The following STXBP5L variants were observed in gnomAD, a reference collection of about 807,000 sequenced individuals.
STXBP5L encodes syntaxin-binding protein 5-like.
STXBP5L carries 65 observed loss-of-function variants against 144.5 expected under a neutral mutation model. That is an observed-to-expected ratio of 0.45 (90% CI 0.37 to 0.55). The LOEUF (loss-of-function observed/expected upper bound fraction) is 0.55. Ranked by LOEUF, STXBP5L falls within the 20% of genes least tolerant of loss-of-function variation. The pLI is 0.00. For synonymous variants in STXBP5L, 505 were observed against 469.6 expected (o/e 1.08, Z -0.97); for missense variants, 1,298 against 1,405.5 (o/e 0.92, Z 1.22).
intron 3 of STXBP5L, among the ~76,000 whole-genome samples, chr3:120,971,346 G>A (rs1423541726): frequency 6.6e-6 from 1 of 151,754 alleles, no homozygotes; most frequent in Non-Finnish European, 1.5e-5. Flanking sequence ...ATTGTACTCA[G>A]TAGGTACTAT....
At position 121,116,056 on chromosome 3, in the gene STXBP5L, T is replaced by G. The variant is rs148770877; in HGVS notation, c.605+997T>G. On this transcript the variant is annotated intron_variant, in intron 6 of 26. Transcript: ENST00000471454. ...TAGGGATTACAATTCAACATGAGCT[T>G]TGGGCAGGGACAAATATCCAAACTA... Among the ~76,000 whole-genome samples the G allele has an allele frequency of 4.2e-3, 643 of 152,222 alleles. 4 individuals are homozygous for G. The highest frequency in any genetic ancestry group is 0.015 in the African/African-American group (613 of 41,554).
intron 5 of STXBP5L, among the ~76,000 whole-genome samples, chr3:121,050,356 G>A (rs982015055): frequency 2.0e-5 from 3 of 152,014 alleles, no homozygotes; most frequent in Non-Finnish European, 4.4e-5. Flanking sequence ...AAGTAATGTA[G>A]CAGAAATTTC....
chr3:120,984,582 ATTAC>A (rs1392937593), intron 3 of STXBP5L, among the ~76,000 whole-genome samples: 1 of 136,180 alleles, frequency 7.3e-6, no homozygotes, highest in African/African-American at 2.8e-5. Context: ...GCAAACAGAG[ATTAC>A]TTACTTCGTT....
chr3:121,041,498 T>G (rs541089225), intron 3 of STXBP5L, among the ~76,000 whole-genome samples: 1 of 152,272 alleles, frequency 6.6e-6, no homozygotes, highest in African/African-American at 2.4e-5. Context: ...CTTATTGTCA[T>G]TCTTTTTTTC....
At chr3:120,981,417 G>T (rs1031360471) in intron 3 of STXBP5L, among the ~76,000 whole-genome samples, 1 of 151,936 alleles carries the variant, frequency 6.6e-6, no homozygotes, top group African/African-American at 2.4e-5. Flanking sequence ...GTCTAACTGG[G>T]TTAATTAAAA....
chr3:121,169,608 A>G (rs767136026), intron 9 of STXBP5L, among the ~76,000 whole-genome samples: 2 of 152,252 alleles, frequency 1.3e-5, no homozygotes, highest in Non-Finnish European at 2.9e-5. Flanking sequence ...GAAGGGCATT[A>G]CATAATGGTA....
chr3:121,403,901 C>A (rs2046939776), intron 22 of STXBP5L, among the ~76,000 whole-genome samples: 2 of 152,172 alleles, frequency 1.3e-5, no homozygotes, highest in Admixed American at 1.3e-4. Flanking sequence ...TGTTCCTCCT[C>A]CATTTCAGTG....
At chr3:121,044,036 G>A (rs1947338828) in intron 4 of STXBP5L, among the ~76,000 whole-genome samples, 1 of 152,034 alleles carries the variant, frequency 6.6e-6, no homozygotes, top group African/African-American at 2.4e-5. Context: ...CATAAGTACA[G>A]TATACAAATA....
At chr3:121,064,287 C>T (rs2041434029) in intron 5 of STXBP5L, among the ~76,000 whole-genome samples, 1 of 152,200 alleles carries the variant, frequency 6.6e-6, no homozygotes, top group Non-Finnish European at 1.5e-5. Context: ...TCTGCTCCTC[C>T]TCGATGGTCT....
At chr3:121,230,275 A>T (rs1441304777) in intron 11 of STXBP5L, among the ~76,000 whole-genome samples, 1 of 152,196 alleles carries the variant, frequency 6.6e-6, no homozygotes, top group Admixed American at 6.5e-5. Flanking sequence ...GGACACAGGC[A>T]TTCCCATCAA....
At chr3:121,070,774 C>G (rs547153687) in intron 5 of STXBP5L, among the ~76,000 whole-genome samples, 15 of 152,230 alleles carry the variant, frequency 9.9e-5, no homozygotes, top group African/African-American at 3.6e-4. Context: ...TGCAGCTTGG[C>G]AGGCATCAAA....
At chr3:121,179,396 A>G (rs1303772431) in intron 9 of STXBP5L, among the ~76,000 whole-genome samples, 1 of 152,038 alleles carries the variant, frequency 6.6e-6, no homozygotes, top group Non-Finnish European at 1.5e-5. Flanking sequence ...CATAAGAGGG[A>G]AAAAAAGTAA....
chr3:121,085,868 C>A (rs566378878), intron 5 of STXBP5L, among the ~76,000 whole-genome samples: 11 of 152,244 alleles, frequency 7.2e-5, no homozygotes, highest in African/African-American at 2.2e-4. Context: ...ATAGCCAAGA[C>A]AATCCTAAGC....
intron 3 of STXBP5L, among the ~76,000 whole-genome samples, chr3:121,007,082 T>G (rs1015594817): frequency 2.0e-5 from 3 of 152,172 alleles, no homozygotes; most frequent in African/African-American, 7.2e-5. Flanking sequence ...ATTTCCTGAA[T>G]TTGAATATTG....
chr3:121,237,790 T>C (rs2049530388), intron 12 of STXBP5L, among the ~76,000 whole-genome samples: 1 of 152,206 alleles, frequency 6.6e-6, no homozygotes, highest in Non-Finnish European at 1.5e-5. Context: ...TCATCGCTCT[T>C]AAGATTAGCC....
At chr3:121,025,363 C>G (rs188610766) in intron 3 of STXBP5L, among the ~76,000 whole-genome samples, 1 of 152,136 alleles carries the variant, frequency 6.6e-6, no homozygotes, top group Admixed American at 6.5e-5. Context: ...TATAACTCAA[C>G]CCTATATGGT....
intron 7 of STXBP5L, among the ~76,000 whole-genome samples, chr3:121,123,369 A>G (rs2044557629): frequency 6.6e-6 from 1 of 151,676 alleles, no homozygotes; most frequent in Non-Finnish European, 1.5e-5. Context: ...CTAATGGTGC[A>G]AACTATTAAA....
intron 7 of STXBP5L, among the ~76,000 whole-genome samples, chr3:121,129,877 T>C (rs2044893250): frequency 6.6e-6 from 1 of 152,050 alleles, no homozygotes; most frequent in Non-Finnish European, 1.5e-5. Context: ...CAGGGGCCTG[T>C]ACCAGATATG....
intron 20 of STXBP5L, among the ~76,000 whole-genome samples, chr3:121,370,605 T>C (rs923509053): frequency 6.6e-6 from 1 of 152,250 alleles, no homozygotes. Context: ...GTGTTTTCTA[T>C]GTTGCTTCCA....
Sources: allele counts gnomAD v4.1 joint callset (sites outside exome capture counted in the v4.1 genomes callset), GRCh38; gene constraint gnomAD v4.1.1; transcripts MANE v1.5; gene names NCBI Gene and HGNC (gene_info 2026-07-23, HGNC 2026-07-21).